The following CES5A variants were observed in gnomAD, a reference collection of about 807,000 sequenced individuals.
CES5A encodes carboxylesterase 5.
In CES5A, 67 loss-of-function variants were observed where a neutral mutation model predicts 62.9. That is an observed-to-expected ratio of 1.07 (90% CI 0.88 to 1.31). The LOEUF is 1.31. Ranked by LOEUF, CES5A falls within the 50% of genes most tolerant of loss-of-function variation. CES5A has a pLI of 0.00. For missense variants in CES5A, 748 were observed against 708.5 expected (o/e 1.06, Z -0.63); for synonymous variants, 296 against 280.8 (o/e 1.05, Z -0.54).
intron 1 of CES5A, among the ~76,000 whole-genome samples, chr16:55,883,218 C>T (rs928979202): frequency 6.6e-6 from 1 of 152,078 alleles, no homozygotes; most frequent in Admixed American, 6.6e-5. Flanking sequence ...ACTGATGAAT[C>T]GAATGGAATT....
intron 1 of CES5A, among the ~76,000 whole-genome samples, chr16:55,906,733 G>A (rs1470264436): frequency 2.0e-5 from 3 of 152,188 alleles, no homozygotes; most frequent in African/African-American, 7.2e-5. Flanking sequence ...ATATTTTTAA[G>A]ACAGACCTTG....
chr16:55,955,718 G>A (rs1324644319), intron 1 of CES5A: 12 of 1,024,372 alleles, frequency 1.2e-5, no homozygotes, highest in African/African-American at 4.8e-5. Context: ...CTAGCCTACC[G>A]TGGGGGCTGA....
chr16:55,889,666 T>C (rs2033854577), intron 1 of CES5A, among the ~76,000 whole-genome samples: 1 of 152,018 alleles, frequency 6.6e-6, no homozygotes, highest in Admixed American at 6.6e-5. Flanking sequence ...GTCCTTTTTT[T>C]TTTTAATGGA....
chr16:55,854,510 G>A (rs2033193489), intron 9 of CES5A, among the ~76,000 whole-genome samples: 1 of 97,196 alleles, frequency 1.0e-5, no homozygotes, highest in Non-Finnish European at 2.3e-5. Flanking sequence ...GGGGCCTGAG[G>A]GATATCTGCC....
rs530791941 is a variant in CES5A, at chr16:55,885,002, G to A, written c.-255-10965C>T. Among the ~76,000 whole-genome samples, 88 of 152,200 alleles carry A rather than the reference G, an allele frequency of 5.8e-4. 2 individuals are homozygous for A. The South Asian group carries it at 0.018, about 30-fold the overall frequency. ...TGCCCTCCTACTACTGCTGAGAAGG[G>A]CCTTTTCTTAATCTTTCCCCAAGGC... On this transcript the variant is annotated intron_variant, in intron 1 of 12. Coordinates refer to the CES5A transcript ENST00000518005.
chr16:55,949,921 T>C (rs2034536377), intron 1 of CES5A: 1 of 1,126,138 alleles, frequency 8.9e-7, no homozygotes, highest in Non-Finnish European at 1.2e-6. Context: ...AAAGAAATAA[T>C]AATAATAATA....
upstream of CES5A, among the ~76,000 whole-genome samples, chr16:55,878,637 A>C: frequency 2.3e-5 from 1 of 43,934 alleles, no homozygotes; most frequent in Admixed American, 3.4e-4. Flanking sequence ...ACTGCACCCC[A>C]TTTCTACAGC....
At position 55,941,984 on chromosome 16, in the gene CES5A, C is replaced by T. The variant is rs148939810; in HGVS notation, c.160+7801G>A. The stretch of plus-strand genomic sequence containing the variant: ...CCAAGGCGTTAAGTCAGTTCACTGG[C>T]GAAAAGAAAATGTTTTTAACAGAAG... On this transcript the variant is annotated intron_variant, in intron 2 of 13. Transcript: ENST00000521992. Among the ~76,000 whole-genome samples the T allele has an allele frequency of 3.0e-3, 459 of 151,962 alleles. 1 individual carries two copies. The highest frequency in any genetic ancestry group is 4.6e-3 in the Non-Finnish European group (313 of 67,926).
At chr16:55,907,500 C>T (rs1240843766) in intron 1 of CES5A, among the ~76,000 whole-genome samples, 1 of 152,166 alleles carries the variant, frequency 6.6e-6, no homozygotes, top group African/African-American at 2.4e-5. Context: ...TCCCAGACTC[C>T]GTGTGATACT....
At chr16:55,892,196 T>C (rs1365624957) in intron 1 of CES5A, among the ~76,000 whole-genome samples, 2 of 152,162 alleles carry the variant, frequency 1.3e-5, no homozygotes, top group Admixed American at 6.5e-5. Context: ...TTAGACAGAC[T>C]CAACCAATTG....
At chr16:55,846,928 C>T in intron 11 of CES5A, 88 bp from the exon 12 acceptor site, 1 of 1,033,404 alleles carries the variant, frequency 9.7e-7, no homozygotes, top group Non-Finnish European at 1.5e-6. Flanking sequence ...CTTTTCACAC[C>T]CCTCCTCCCA....
intron 10 of CES5A, among the ~76,000 whole-genome samples, chr16:55,851,839 T>A (rs1567323164): frequency 6.6e-6 from 1 of 152,180 alleles, no homozygotes; most frequent in African/African-American, 2.4e-5. Context: ...ATACATACAA[T>A]GGAACATTAG....
In CES5A at chr16:55,917,764, G is replaced by A. The variant is rs1019014203; in HGVS notation, c.-256+7559C>T. Among the ~76,000 whole-genome samples the A allele has an allele frequency of 8.3e-4, 127 of 152,260 alleles. 2 individuals carry two copies. Among genetic ancestry groups the A allele is most frequent in the East Asian group, 1.9e-4 (1 of 5,172 alleles). ...AATCCAGCCCACACTCAAGGATAGCGAATTACAGAGGGCATGAACAGCAGG... is the reference window on the plus strand; with the variant it reads ...AATCCAGCCCACACTCAAGGATAGCAAATTACAGAGGGCATGAACAGCAGG... On this transcript the variant is annotated intron_variant, in intron 1 of 12. Transcript: ENST00000518005.
intron 2 of CES5A, 167 bp from the exon 3 acceptor site, chr16:55,871,930 A>G: frequency 3.2e-6 from 2 of 631,990 alleles, no homozygotes; most frequent in South Asian, 2.0e-5. Flanking sequence ...TGGTTTCCAA[A>G]ACAAACAAGC....
At chr16:55,927,151 C>T (rs2034265272), upstream of CES5A, among the ~76,000 whole-genome samples, 1 of 152,026 alleles carries the variant, frequency 6.6e-6, no homozygotes, top group Non-Finnish European at 1.5e-5. Context: ...AGACTTGAAA[C>T]CAGAAAAATC....
chr16:55,920,257 A>G (rs1413273878), intron 1 of CES5A, among the ~76,000 whole-genome samples: 3 of 152,144 alleles, frequency 2.0e-5, no homozygotes, highest in African/African-American at 7.2e-5. Flanking sequence ...CACTGTTTCT[A>G]CACTGCAAAA....
At chr16:55,862,763 A>T (rs1217780795) in intron 6 of CES5A, among the ~76,000 whole-genome samples, 2 of 152,182 alleles carry the variant, frequency 1.3e-5, no homozygotes, top group Non-Finnish European at 2.9e-5. Context: ...TCATTCATTA[A>T]CTCATTCATC....
chr16:55,857,499 T>C (rs1409580270), intron 8 of CES5A, among the ~76,000 whole-genome samples: 1 of 152,224 alleles, frequency 6.6e-6, no homozygotes, highest in Admixed American at 6.5e-5. Context: ...AAATGAATAC[T>C]AGGGCAGTAC....
intron 1 of CES5A, among the ~76,000 whole-genome samples, chr16:55,907,827 T>C (rs1235529348): frequency 6.6e-6 from 1 of 152,226 alleles, no homozygotes; most frequent in Non-Finnish European, 1.5e-5. Context: ...CTGTCCCTTC[T>C]TGTGACTGAT....
Sources: gnomAD v4.1 joint callset for allele counts (sites outside exome capture counted in the v4.1 genomes callset) on GRCh38, gnomAD v4.1.1 for gene constraint, MANE v1.5 for transcripts, NCBI Gene and HGNC (gene_info 2026-07-23, HGNC 2026-07-21) for gene names.